The following ING4 variants were observed in gnomAD, a reference collection of about 807,000 sequenced individuals.
ING4 encodes the protein inhibitor of growth protein 4.
A neutral mutation model predicts 33.1 loss-of-function variants in ING4; 28 were observed. The observed-to-expected ratio is 0.85, with a 90% CI of 0.63 to 1.16. The LOEUF is 1.16. ING4 is among the 50% of genes most tolerant of loss of function. The probability of loss-of-function intolerance (pLI) is 0.00; values close to 1 mark genes in which losing one functional copy is unlikely to be tolerated. For synonymous variants in ING4, 87 were observed against 104.4 expected (o/e 0.83, Z 1.02); for missense variants, 247 against 314.7 (o/e 0.78, Z 1.63).
intron 1 of ING4, among the ~76,000 whole-genome samples, chr12:6,658,961 G>A (rs1255091042): frequency 6.6e-6 from 1 of 152,150 alleles, no homozygotes; most frequent in African/African-American, 2.4e-5. Flanking sequence ...TGCACCGCTC[G>A]CTTTTCCTCA....
At chr12:6,654,161 G>A (rs1949274302) in intron 2 of ING4, among the ~76,000 whole-genome samples, 2 of 152,000 alleles carry the variant, frequency 1.3e-5, no homozygotes, top group South Asian at 2.1e-4. Context: ...TTAGAGGCAG[G>A]CGCAGGTTCT....
intron 1 of ING4, among the ~76,000 whole-genome samples, chr12:6,658,634 C>T (rs1949447903): frequency 2.0e-5 from 3 of 152,008 alleles, no homozygotes; most frequent in South Asian, 2.1e-4. Context: ...TTCAGTGAGC[C>T]GAGATCACGC....
chr12:6,656,055 C>A, intron 2 of ING4: 1 of 374,896 alleles, frequency 2.7e-6, no homozygotes, highest in Middle Eastern at 4.0e-4. Context: ...TAAAGTCACA[C>A]TGGGAATTTG....
At position 6,655,971 on chromosome 12, in the gene ING4, TC is replaced by T. The variant is rs756045905; in HGVS notation, c.109+755del. 2.3e-4 allele frequency: 104 copies of T among 450,832 alleles called. 1 individual carries two copies. The highest frequency in any genetic ancestry group is 1.6e-3 in the South Asian group (100 of 63,260). The allele number at this position is 450,832 out of a possible 1,614,324, so 27.9% of individuals were successfully genotyped here. A position where few individuals can be genotyped will look rare whatever the true frequency, so the allele number is the denominator to read the frequency against. ...TCAATTACTGCTTTTTTTTCTTTCC[TC>T]TTTCTTTTTTCTTTCTCTTTTTAAG... On this transcript the variant is annotated intron_variant, in intron 2 of 7. Coordinates refer to ENST00000341550, the MANE Select transcript of ING4 (RefSeq NM_016162.4).
At chr12:6,651,848 CTTTT>C (rs1029172811) in intron 6 of ING4, among the ~76,000 whole-genome samples, 4 of 114,806 alleles carry the variant, frequency 3.5e-5, no homozygotes, top group South Asian at 2.9e-4. Context: ...GGCTTTCAGG[CTTTT>C]TTTTTTTTTT....
rs1336415745 is a variant in ING4 at position 6,656,771 on chromosome 12, T to C, written c.65A>G (p.Gln22Arg). The C allele has an allele frequency of 6.3e-7, 1 of 1,577,506 alleles. No individual in the cohort carries two copies. Among genetic ancestry groups the C allele is most frequent in the Non-Finnish European group, 8.6e-7 (1 of 1,166,158 alleles). ...DSIENLPFEL[Q>R]RNFQLMRDLD... The stretch of plus-strand genomic sequence containing the variant: ...GTCCCTCATGAGCTGAAAGTTTCTC[T>C]GTAATTCAAAGGGAAGGTTTTCAAT... Residue 22 changes from glutamine to arginine, a missense_variant, in exon 2 of 8, where the codon CAG becomes CGG. Gln to Arg is a conservative substitution (Grantham distance 43). Coordinates refer to ENST00000341550, the MANE Select transcript of ING4 (RefSeq NM_016162.4).
intron 2 of ING4, chr12:6,655,778 A>T: frequency 2.2e-6 from 1 of 455,874 alleles, no homozygotes; most frequent in Non-Finnish European, 4.3e-6. Flanking sequence ...ATGGCTACAT[A>T]GAATGAAGAC....
At chr12:6,656,429 C>A (rs1949355019) in intron 2 of ING4, 1 of 270,878 alleles carries the variant, frequency 3.7e-6, no homozygotes, top group African/African-American at 2.3e-5. Context: ...CCCGCCTAGG[C>A]CTCCCAAAGT....
chr12:6,651,162 G>A lies in ING4; in HGVS notation c.*33C>T. 2 of 1,612,922 alleles carry A rather than the reference G, an allele frequency of 1.2e-6. No individual in the cohort carries two copies. Among genetic ancestry groups the A allele is most frequent in the Non-Finnish European group, 1.7e-6 (2 of 1,178,944 alleles). ...CCCACTAGCCCAAGTCAGGGGATGTGGAAGAAACTGTGTTGGAATCCAAGG... is the reference window on the plus strand; with the variant it reads ...CCCACTAGCCCAAGTCAGGGGATGTAGAAGAAACTGTGTTGGAATCCAAGG... On this transcript the variant is annotated 3_prime_UTR_variant, in exon 8 of 8. Coordinates refer to ENST00000341550, the MANE Select transcript of ING4 (RefSeq NM_016162.4).
chr12:6,658,313 A>G (rs1028128891), intron 1 of ING4, among the ~76,000 whole-genome samples: 1 of 152,144 alleles, frequency 6.6e-6, no homozygotes, highest in East Asian at 1.9e-4. Context: ...CAAATTACAA[A>G]TAGTCTCCTG....
chr12:6,661,106 T>G lies in ING4; in HGVS notation c.37+1959A>C, dbSNP rs530640172. On this transcript the variant is annotated intron_variant, in intron 1 of 7. Coordinates refer to ENST00000341550, the MANE Select transcript of ING4 (RefSeq NM_016162.4). Reference sequence around the variant, plus strand: ...ACCGCTCCCAGCCTTTTTGTTTTTGTTTTTTTTTTGAGGCGGAGTCTCACT... The same window carrying G: ...ACCGCTCCCAGCCTTTTTGTTTTTGGTTTTTTTTTGAGGCGGAGTCTCACT... Among the ~76,000 whole-genome samples the G allele has an allele frequency of 7.8e-4, 107 of 137,014 alleles. 1 individual carries two copies. In the South Asian group the frequency reaches 0.012, roughly 16 times the overall value. The allele number at this position is 137,014 out of a possible 152,430, so 89.9% of individuals were successfully genotyped here.
intron 2 of ING4, among the ~76,000 whole-genome samples, chr12:6,656,165 ATTC>A (rs1304952261): frequency 2.0e-5 from 3 of 148,628 alleles, no homozygotes; most frequent in Admixed American, 6.7e-5. Context: ...ACTTTCTTTA[ATTC>A]TTCTTTTTTT....
chr12:6,657,629 C>T (rs563159087), intron 1 of ING4, among the ~76,000 whole-genome samples: 1 of 152,068 alleles, frequency 6.6e-6, no homozygotes, highest in South Asian at 2.1e-4. Flanking sequence ...CAGTGACCTT[C>T]CTTTATAAAT....
At position 6,651,326 on chromosome 12, in the gene ING4, T is replaced by C; in HGVS notation, c.705A>G (p.Lys235=). 1.2e-6 allele frequency: 2 copies of C among 1,614,108 alleles called. No individual in the cohort carries two copies. The highest frequency in any genetic ancestry group is 1.6e-4 in the Middle Eastern group (1 of 6,062). The change falls in exon 7 of 8, where the codon AAA becomes AAG. Residue 235 remains lysine (K), a splice_region_variant and synonymous_variant. Transcript: ENST00000341550. ...ACCCTCCAACTCCTGCCACTTACCA[T>C]TTCCCCCGAGGCTTGGTTGTCAGCC... ...CVGLTTKPRG[K]WFCPRCSQER...
chr12:6,660,652 A>T (rs962161647), intron 1 of ING4, among the ~76,000 whole-genome samples: 3 of 152,018 alleles, frequency 2.0e-5, no homozygotes, highest in African/African-American at 4.8e-5. Context: ...AATAAATAAA[A>T]AAAAATAAAA....
Position 6,656,805 on chromosome 12 carries a change from A to AAG in ING4, c.38-9_38-8dup. 1 of 1,530,758 alleles carries AAG rather than the reference A, an allele frequency of 6.5e-7. No homozygotes were observed. The highest frequency in any genetic ancestry group is 8.8e-7 in the Non-Finnish European group (1 of 1,132,648). The allele number at this position is 1,530,758 out of a possible 1,614,324, so 94.8% of individuals were successfully genotyped here. On this transcript the variant is annotated splice_region_variant and splice_polypyrimidine_tract_variant and intron_variant, in intron 1 of 7. Transcript: ENST00000341550. Reference sequence around the variant, plus strand: ...AAGGGAAGGTTTTCAATACCTAGGGAAGAGAGAGAAACAATCACAGGACTG... The same window carrying AAG: ...AAGGGAAGGTTTTCAATACCTAGGGAAGAGAGAGAGAAACAATCACAGGACTG...
chr12:6,656,666 G>T, intron 2 of ING4, 61 bp downstream of exon 2: 2 of 946,134 alleles, frequency 2.1e-6, no homozygotes, highest in Non-Finnish European at 1.6e-6. Flanking sequence ...GTAACATCAA[G>T]TAGAAAAATA....
chr12:6,652,610 C>A, intron 5 of ING4, 52 bp downstream of exon 5: 1 of 1,525,300 alleles, frequency 6.6e-7, no homozygotes, highest in South Asian at 1.1e-5. Context: ...GGGAGTGGGG[C>A]ACCGGGAGAG....
At position 6,651,357 on chromosome 12, in the gene ING4, C is replaced by T. The variant is rs1442967043; in HGVS notation, c.674G>A (p.Cys225Tyr). 6.2e-7 allele frequency: 1 copy of T among 1,614,146 alleles called. No homozygotes were observed. Among genetic ancestry groups the T allele is most frequent in the Admixed American group, 1.7e-5 (1 of 60,022 alleles). The change falls in exon 7 of 8, where the codon TGT becomes TAT. Residue 225 changes from cysteine (C) to tyrosine (Y), a missense_variant. Physicochemically the swap from Cys to Tyr is radical, Grantham distance 194. Transcript: ENST00000341550. ...CCGAGGCTTGGTTGTCAGCCCCACA[C>T]AGGCAAAATGGAACCACTCAATGGA... ...DCSIEWFHFA[C>Y]VGLTTKPRGK... is the part of the protein sequence containing the mutation.
Sources: gnomAD v4.1 joint callset for allele counts (sites outside exome capture counted in the v4.1 genomes callset) on GRCh38, gnomAD v4.1.1 for gene constraint, MANE v1.5 for transcripts, NCBI Gene and HGNC (gene_info 2026-07-23, HGNC 2026-07-21) for gene names.